Variants in SLC35E2B observed in about 807,000 individuals in gnomAD.
SLC35E2B encodes the protein solute carrier family 35 member E2B, also known as solute carrier family 35, member E2B.
SLC35E2B carries 18 observed loss-of-function variants against 32.4 expected under a neutral mutation model. The observed-to-expected ratio is 0.56, with a 90% CI of 0.38 to 0.82. The LOEUF (loss-of-function observed/expected upper bound fraction) is 0.82. SLC35E2B is among the 40% of genes least tolerant of loss of function. SLC35E2B has a pLI of 0.00. For missense variants in SLC35E2B, 263 were observed against 469.5 expected (o/e 0.56, Z 4.06); for synonymous variants, 132 against 209.1 (o/e 0.63, Z 3.18).
rs1643505036 is a variant in SLC35E2B at position 1,665,035 on chromosome 1, G to A, written c.*747C>T. On this transcript the variant is annotated 3_prime_UTR_variant, in exon 10 of 10. Coordinates refer to ENST00000617444, the MANE Select transcript of SLC35E2B (RefSeq NM_001290264.2). ...GAAACCCCCACAGGTAGGAGGGCAG[G>A]GTGCCCTGGGGTTGCGGGGAGCTCA... 7 of 927,644 alleles carry A rather than the reference G, an allele frequency of 7.5e-6. No individual in the cohort carries two copies. Among genetic ancestry groups the A allele is most frequent in the Non-Finnish European group, 9.0e-6 (7 of 777,156 alleles). The allele number at this position is 927,644 out of a possible 1,614,324, so 57.5% of individuals were successfully genotyped here.
At chr1:1,677,449 A>C (rs1643863392) in intron 2 of SLC35E2B, among the ~76,000 whole-genome samples, 1 of 149,774 alleles carries the variant, frequency 6.7e-6, no homozygotes, top group Non-Finnish European at 1.5e-5. Context: ...TCGGGTGCCC[A>C]GGACTAATTC....
At position 1,662,168 on chromosome 1, in the gene SLC35E2B, C is replaced by G. The variant is rs1176216846; in HGVS notation, c.*3614G>C. On this transcript the variant is annotated 3_prime_UTR_variant, in exon 10 of 10. Coordinates refer to ENST00000617444, the MANE Select transcript of SLC35E2B (RefSeq NM_001290264.2). ...AGCCAGACACAGAACTAGCCAGATT[C>G]ATTAGGGAAGCTCGGATGCTCTCAT... 1 of 984,968 alleles carries G rather than the reference C, an allele frequency of 1.0e-6. No homozygotes were observed. Among genetic ancestry groups the G allele is most frequent in the Non-Finnish European group, 1.2e-6 (1 of 830,056 alleles). The allele number at this position is 984,968 out of a possible 1,614,324, so 61.0% of individuals were successfully genotyped here.
chr1:1,684,960 A>C (rs1182629340), intron 2 of SLC35E2B, among the ~76,000 whole-genome samples: 1 of 151,328 alleles, frequency 6.6e-6, no homozygotes, highest in Non-Finnish European at 1.5e-5. Flanking sequence ...ATACAAAATT[A>C]GCCGGGCGTG....
chr1:1,680,346 G>A (rs2101110534), intron 2 of SLC35E2B, among the ~76,000 whole-genome samples: 1 of 152,226 alleles, frequency 6.6e-6, no homozygotes, highest in South Asian at 2.1e-4. Context: ...GCTTAAACAA[G>A]AAGCCGACTG....
chr1:1,665,529 T>C lies in SLC35E2B; in HGVS notation c.*253A>G. 1.7e-6 allele frequency: 1 copy of C among 600,194 alleles called. No individual in the cohort carries two copies. Among genetic ancestry groups the C allele is most frequent in the African/African-American group, 1.9e-5 (1 of 53,830 alleles). 37.2% of individuals were successfully genotyped at this position (600,194 alleles called of 1,614,324 possible). A position where few individuals can be genotyped will look rare whatever the true frequency, so the allele number is the denominator to read the frequency against. On this transcript the variant is annotated 3_prime_UTR_variant, in exon 10 of 10. Coordinates refer to ENST00000617444, the MANE Select transcript of SLC35E2B (RefSeq NM_001290264.2). ...CAGCATGGGAGCCTCAGAGGCTGTT[T>C]TCACATTACACGGGGATGGGCTCGG...
Position 1,665,693 on chromosome 1 carries a change from C to A in SLC35E2B, c.*89G>T. 6.7e-7 allele frequency: 1 copy of A among 1,498,180 alleles called. No individual in the cohort carries two copies. The highest frequency in any genetic ancestry group is 8.9e-7 in the Non-Finnish European group (1 of 1,118,316). 92.8% of individuals were successfully genotyped at this position (1,498,180 alleles called of 1,614,324 possible). On this transcript the variant is annotated 3_prime_UTR_variant, in exon 10 of 10. Transcript: ENST00000617444. ...CCAACTTAGCTCCCCATGTCCTGCA[C>A]CCCAGCAGGGCCATGGAGGAGGGCG...
chr1:1,668,863 C>T (rs938048239), intron 8 of SLC35E2B, among the ~76,000 whole-genome samples: 10 of 151,878 alleles, frequency 6.6e-5, no homozygotes, highest in Non-Finnish European at 1.2e-4. Flanking sequence ...TGGTGGTGGG[C>T]GCCTGTAATC....
intron 8 of SLC35E2B, among the ~76,000 whole-genome samples, chr1:1,668,926 G>A (rs1288590273): frequency 6.6e-6 from 1 of 151,618 alleles, no homozygotes; most frequent in Non-Finnish European, 1.5e-5. Flanking sequence ...GGGAGGCAGA[G>A]GTTGCAGTGA....
chr1:1,684,875 G>A (rs1643933199), intron 2 of SLC35E2B, among the ~76,000 whole-genome samples: 1 of 150,064 alleles, frequency 6.7e-6, no homozygotes, highest in Admixed American at 6.7e-5. Context: ...GGAGCCCAAG[G>A]CGGGCAGATC....
chr1:1,682,831 C>A (rs892187501), intron 2 of SLC35E2B, among the ~76,000 whole-genome samples: 4 of 152,076 alleles, frequency 2.6e-5, no homozygotes, highest in African/African-American at 9.7e-5. Context: ...CGCCTGTAAT[C>A]CCAGCACTTT....
At position 1,665,705 on chromosome 1, in the gene SLC35E2B, C is replaced by T. The variant is rs1241758256; in HGVS notation, c.*77G>A. The T allele has an allele frequency of 3.3e-6, 5 of 1,517,754 alleles. No homozygotes were observed. The African/African-American group carries it at 4.1e-5, about 13-fold the overall frequency. 94.0% of individuals were successfully genotyped at this position (1,517,754 alleles called of 1,614,324 possible). ...CCCATGTCCTGCACCCCAGCAGGGC[C>T]ATGGAGGAGGGCGTCCCTGCCCATT... On this transcript the variant is annotated 3_prime_UTR_variant, in exon 10 of 10. Transcript: ENST00000617444.
Position 1,663,611 on chromosome 1 carries a change from C to T in SLC35E2B, c.*2171G>A. On this transcript the variant is annotated 3_prime_UTR_variant, in exon 10 of 10. Coordinates refer to ENST00000617444, the MANE Select transcript of SLC35E2B (RefSeq NM_001290264.2). The stretch of plus-strand genomic sequence containing the variant: ...TCAGCCTCCTGAGTATCTGGGATTA[C>T]AGGCACCCACCATCGCACCCAGCTA... 4.0e-6 allele frequency: 1 copy of T among 251,290 alleles called. No individual in the cohort carries two copies. The highest frequency in any genetic ancestry group is 6.3e-6 in the Non-Finnish European group (1 of 159,210). 15.6% of individuals were successfully genotyped at this position (251,290 alleles called of 1,614,324 possible).
In SLC35E2B at chr1:1,689,396, C is replaced by G. The variant is rs1053314646; in HGVS notation, c.-148+1580G>C. On this transcript the variant is annotated intron_variant, in intron 2 of 9. Transcript: ENST00000617444. ...AGGGTCCGAAGCACTCTCTGCACAG[C>G]GGTGAATCCCCACAATAGCCCTCTG... is the stretch of plus-strand genomic sequence containing the variant. 6.6e-5 allele frequency among the ~76,000 whole-genome samples: 10 copies of G among 151,798 alleles called. 1 individual carries two copies. The highest frequency in any genetic ancestry group is 2.0e-4 in the Admixed American group (3 of 15,186).
chr1:1,667,938 C>T (rs7512996), intron 9 of SLC35E2B, among the ~76,000 whole-genome samples: 7,706 of 151,300 alleles, frequency 0.051, 687 homozygotes, highest in African/African-American at 0.18. Context: ...CTGTAACCTC[C>T]GGCTCCTGGA....
rs1320218663 is a variant in SLC35E2B at position 1,665,864 on chromosome 1, T to G, written c.1136A>C (p.Gln379Pro). 6.4e-7 allele frequency: 1 copy of G among 1,550,768 alleles called. No homozygotes were observed. The highest frequency in any genetic ancestry group is 1.4e-5 in the African/African-American group (1 of 73,052). Residue 379 changes from glutamine to proline, a missense_variant, in exon 10 of 10, where the codon CAG becomes CCG. By Grantham distance (76) the Gln-to-Pro change is moderately conservative (BLOSUM62 -1). This residue lies in a region of SLC35E2B where 78 missense variants were observed against 71.1 expected (regional missense o/e 1.10). Coordinates refer to ENST00000617444, the MANE Select transcript of SLC35E2B (RefSeq NM_001290264.2). ...CCGGCCAGTGGCTGCAGCCAGGCTC[T>G]GCAGCGCCTCCTGCTGGTGTTGCCT... is the stretch of plus-strand genomic sequence containing the variant. The part of the protein sequence containing the change: ...KARQHQQEAL[Q>P]SLAAATGRAP...
chr1:1,665,542 G>A lies in SLC35E2B; in HGVS notation c.*240C>T, dbSNP rs920564919. 2.5e-5 allele frequency: 16 copies of A among 636,696 alleles called. No homozygotes were observed. The highest frequency in any genetic ancestry group is 3.7e-5 in the Non-Finnish European group (14 of 375,764). The allele number at this position is 636,696 out of a possible 1,614,324, so 39.4% of individuals were successfully genotyped here. ...TCAGAGGCTGTTTTCACATTACACG[G>A]GGATGGGCTCGGCGGACACAGTCAG... On this transcript the variant is annotated 3_prime_UTR_variant, in exon 10 of 10. Coordinates refer to ENST00000617444, the MANE Select transcript of SLC35E2B (RefSeq NM_001290264.2).
At position 1,669,910 on chromosome 1, in the gene SLC35E2B, G is replaced by A. The variant is rs1570315596; in HGVS notation, c.762-174C>T. Reference sequence around the variant, plus strand: ...TGAAAACGCAAACGCACACCAGGCTGGCTGAGGGGCTCAAGGGAGTAGCTG... The same window carrying A: ...TGAAAACGCAAACGCACACCAGGCTAGCTGAGGGGCTCAAGGGAGTAGCTG... On this transcript the variant is annotated intron_variant, in intron 7 of 9. Transcript: ENST00000617444. 5 of 857,896 alleles carry A rather than the reference G, an allele frequency of 5.8e-6. No individual in the cohort carries two copies. The East Asian group carries it at 1.3e-4, about 23-fold the overall frequency. The allele number at this position is 857,896 out of a possible 1,614,324, so 53.1% of individuals were successfully genotyped here.
At chr1:1,670,211 G>T in intron 6 of SLC35E2B, 60 bp from the exon 7 acceptor site, 1 of 1,271,384 alleles carries the variant, frequency 7.9e-7, no homozygotes, top group Non-Finnish European at 1.1e-6. Flanking sequence ...ACATCAGGGG[G>T]AGAAGGTGTC....
chr1:1,689,869 C>A (rs1296265322), intron 2 of SLC35E2B, among the ~76,000 whole-genome samples: 5 of 150,954 alleles, frequency 3.3e-5, no homozygotes, highest in Non-Finnish European at 5.9e-5. Flanking sequence ...CACCTGTAAT[C>A]CCAGCTACTC....
Sources: allele counts gnomAD v4.1 joint callset (sites outside exome capture counted in the v4.1 genomes callset), GRCh38; gene constraint gnomAD v4.1.1; regional missense constraint gnomAD v4.1.1; transcripts MANE v1.5; gene names NCBI Gene and HGNC (gene_info 2026-07-23, HGNC 2026-07-21).